MTHFD1: variants seen among roughly 807,000 people sequenced by gnomAD.
The protein encoded by MTHFD1 is methylenetetrahydrofolate dehydrogenase, cyclohydrolase and formyltetrahydrofolate synthetase 1.
Under a neutral mutation model 110.3 loss-of-function variants are expected in MTHFD1, and 44 were observed. The observed-to-expected ratio is 0.40, with a 90% CI of 0.31 to 0.51. The LOEUF (loss-of-function observed/expected upper bound fraction) is 0.51. MTHFD1 is among the 20% of genes least tolerant of loss of function. The pLI is 0.60. For missense variants in MTHFD1, 909 were observed against 1,173.1 expected (o/e 0.77, Z 3.29); for synonymous variants, 402 against 428.8 (o/e 0.94, Z 0.77).
chr14:64,392,641 G>C (rs916521339), intron 1 of MTHFD1, among the ~76,000 whole-genome samples: 1 of 152,076 alleles, frequency 6.6e-6, no homozygotes, highest in African/African-American at 2.4e-5. Flanking sequence ...GCCTAAGCAC[G>C]GTGCTGCCTC....
At position 64,441,483 on chromosome 14, in the gene MTHFD1, T is replaced by C. The variant is rs186954030; in HGVS notation, c.1884+30T>C. 5.9e-3 allele frequency: 9,488 copies of C among 1,610,432 alleles called. 38 individuals are homozygous for C. Among genetic ancestry groups the C allele is most frequent in the Non-Finnish European group, 7.0e-3 (8,260 of 1,176,888 alleles). On this transcript the variant is annotated intron_variant, in intron 19 of 27. Coordinates refer to ENST00000652337, the MANE Select transcript of MTHFD1 (RefSeq NM_005956.4). ...GCAGAGTGACTCCTGCCTTCTTGAA[T>C]TGGTTTTGGACAGTCAGAGCAGAGT...
At chr14:64,443,933 G>A (rs1342865755) in intron 21 of MTHFD1, among the ~76,000 whole-genome samples, 3 of 152,106 alleles carry the variant, frequency 2.0e-5, no homozygotes. Context: ...TTCTTGCTCT[G>A]CCTCCACACA....
intron 1 of MTHFD1, among the ~76,000 whole-genome samples, chr14:64,389,922 T>C (rs1403558346): frequency 1.3e-5 from 2 of 152,202 alleles, no homozygotes; most frequent in African/African-American, 4.8e-5. Flanking sequence ...GTGCAGATAA[T>C]TTAGTACAAT....
In MTHFD1 at chr14:64,419,858, A is replaced by C; in HGVS notation, c.660A>C (p.Glu220Asp). 6.2e-7 allele frequency: 1 copy of C among 1,614,086 alleles called. No homozygotes were observed. The highest frequency in any genetic ancestry group is 8.5e-7 in the Non-Finnish European group (1 of 1,179,998). The change falls in exon 8 of 28, where the codon GAA becomes GAC. Residue 220 changes from glutamate to aspartate, a missense_variant. Transcript: ENST00000652337. ...TGGTGGTTGCAACTGGTCAGCCTGAAATGGTTAAAGGGGAGTGGATCAAAC... is the reference window on the plus strand; with the variant it reads ...TGGTGGTTGCAACTGGTCAGCCTGACATGGTTAAAGGGGAGTGGATCAAAC... ...DILVVATGQP[E>D]MVKGEWIKPG...
intron 7 of MTHFD1, 50 bp downstream of exon 7, chr14:64,418,074 G>A (rs116079471): frequency 1.2e-6 from 2 of 1,609,686 alleles, no homozygotes; most frequent in African/African-American, 2.7e-5. Flanking sequence ...GAGGGTGGGT[G>A]TGCCAGAGGC....
At chr14:64,410,248 T>C (rs983698913) in intron 2 of MTHFD1, among the ~76,000 whole-genome samples, 3 of 152,062 alleles carry the variant, frequency 2.0e-5, no homozygotes, top group Non-Finnish European at 4.4e-5. Context: ...ACAAGGTCTC[T>C]CTCTGTTGCC....
intron 15 of MTHFD1, among the ~76,000 whole-genome samples, chr14:64,434,948 T>C (rs986633531): frequency 2.5e-5 from 3 of 121,576 alleles, no homozygotes; most frequent in South Asian, 4.9e-4. Context: ...CTCCCTCTTT[T>C]CTTTTTTTTT....
chr14:64,441,680 C>T (rs1596552669), intron 19 of MTHFD1: 1 of 568,204 alleles, frequency 1.8e-6, no homozygotes, highest in South Asian at 1.9e-5. Flanking sequence ...GTGGCGGGCG[C>T]CTGTAGTCCC....
intron 3 of MTHFD1, 96 bp from the exon 4 acceptor site, chr14:64,412,376 C>G (rs2077991306): frequency 1.5e-5 from 14 of 905,410 alleles, no homozygotes; most frequent in Non-Finnish European, 2.4e-5. Flanking sequence ...AAATGATGAC[C>G]AACACCTCCT....
intron 1 of MTHFD1, among the ~76,000 whole-genome samples, chr14:64,396,227 G>GA (rs946049367): frequency 6.6e-6 from 1 of 152,088 alleles, no homozygotes; most frequent in Non-Finnish European, 1.5e-5. Context: ...AGTGATAGGT[G>GA]AAAATCAGTT....
intron 1 of MTHFD1, among the ~76,000 whole-genome samples, chr14:64,397,099 C>A (rs1432026701): frequency 2.6e-5 from 1 of 38,064 alleles, no homozygotes; most frequent in African/African-American, 1.3e-4. Flanking sequence ...AGGGAGACTG[C>A]GTCTCAAAAA....
At chr14:64,424,685 G>A (rs117025626) in intron 8 of MTHFD1, 119 bp from the exon 9 acceptor site, 6 of 1,064,800 alleles carry the variant, frequency 5.6e-6, no homozygotes, top group Non-Finnish European at 8.5e-6. Context: ...TTTAAGTTAA[G>A]TAGGCACTGG....
At chr14:64,441,994 G>C (rs979140128) in intron 19 of MTHFD1, 60 bp from the exon 20 acceptor site, 1 of 1,085,548 alleles carries the variant, frequency 9.2e-7, no homozygotes, top group African/African-American at 1.5e-5. Flanking sequence ...ACCGTTGAAT[G>C]TGTGATCCCA....
At chr14:64,412,631 G>T in intron 4 of MTHFD1, 106 bp downstream of exon 4, 2 of 645,440 alleles carry the variant, frequency 3.1e-6, no homozygotes, top group Non-Finnish European at 2.6e-6. Context: ...AAGACCTCCA[G>T]GTATTTTTTT....
intron 2 of MTHFD1, 30 bp from the exon 3 acceptor site, chr14:64,411,060 C>G (rs769407733): frequency 1.3e-6 from 2 of 1,506,194 alleles, no homozygotes; most frequent in Non-Finnish European, 1.8e-6. Context: ...TTTCCCTAAT[C>G]ATCTGATTTG....
intron 17 of MTHFD1, 197 bp downstream of exon 17, chr14:64,439,369 G>T: frequency 1.7e-6 from 1 of 604,738 alleles, no homozygotes; most frequent in Non-Finnish European, 3.0e-6. Flanking sequence ...TGTCACCTGT[G>T]TGTTTTTCCC....
chr14:64,458,283 C>T lies in MTHFD1; in HGVS notation c.2788C>T (p.Gln930Ter). ...TATTGATTTGGACCCTGAAACAGAA[C>T]AGGTGAATGGATTATTCTAAACAGG... is the stretch of plus-strand genomic sequence containing the variant. ...YDIDLDPETE[Q>*]VNGLF Residue 930 changes from glutamine to a stop codon, truncating the protein, a stop_gained, in exon 27 of 28, where the codon CAG becomes TAG. Coordinates refer to ENST00000652337, the MANE Select transcript of MTHFD1 (RefSeq NM_005956.4). LOFTEE classifies it high-confidence loss of function. 6.2e-7 allele frequency: 1 copy of T among 1,613,138 alleles called. No homozygotes were observed. Among genetic ancestry groups the T allele is most frequent in the Non-Finnish European group, 8.5e-7 (1 of 1,179,144 alleles).
chr14:64,445,400 CTG>C (rs2078282339), intron 22 of MTHFD1, among the ~76,000 whole-genome samples: 1 of 152,154 alleles, frequency 6.6e-6, no homozygotes, highest in African/African-American at 2.4e-5. Flanking sequence ...TAGAGAACAA[CTG>C]TGAGCTCAAA....
intron 16 of MTHFD1, among the ~76,000 whole-genome samples, chr14:64,438,051 T>G (rs1185083810): frequency 6.6e-6 from 1 of 152,182 alleles, no homozygotes; most frequent in East Asian, 1.9e-4. Flanking sequence ...TTTTGTATTT[T>G]TAGTAGCGAC....
Sources: allele counts gnomAD v4.1 joint callset (sites outside exome capture counted in the v4.1 genomes callset), GRCh38; gene constraint gnomAD v4.1.1; transcripts MANE v1.5; gene names NCBI Gene and HGNC (gene_info 2026-07-23, HGNC 2026-07-21).